GABRA3: variants seen among roughly 807,000 people sequenced by gnomAD.
The protein encoded by GABRA3 is gamma-aminobutyric acid receptor subunit alpha-3.
In GABRA3, 10 loss-of-function variants were observed where a neutral mutation model predicts 30.1. That is an observed-to-expected ratio of 0.33 (90% CI 0.20 to 0.56). The LOEUF (loss-of-function observed/expected upper bound fraction) is 0.56, where lower values mean the gene tolerates loss of function less well. Ranked by LOEUF, GABRA3 falls within the 20% of genes least tolerant of loss-of-function variation. The pLI is 0.89. For synonymous variants in GABRA3, 151 were observed against 146.8 expected, an observed-to-expected ratio of 1.03 and a Z score of -0.21; for missense variants, 233 against 392.0, an observed-to-expected ratio of 0.59 and a Z score of 3.42.
rs771682716 is a variant in GABRA3 at position 152,168,178 on chromosome X, G to T, written c.*50C>A. Reference sequence around the variant, plus strand: ...GGGAGCCCCGGGGTTTGGGTGCCTGGATGCTTCACGGGGTATACAGTGCTC... The same window carrying T: ...GGGAGCCCCGGGGTTTGGGTGCCTGTATGCTTCACGGGGTATACAGTGCTC... On this transcript the variant is annotated 3_prime_UTR_variant, in exon 10 of 10. Coordinates refer to ENST00000370314, the MANE Select transcript of GABRA3 (RefSeq NM_000808.4). 9.4e-7 allele frequency: 1 copy of T among 1,068,273 alleles called. No individual in the cohort carries two copies. Among genetic ancestry groups the T allele is most frequent in the South Asian group, 2.0e-5 (1 of 50,317 alleles). 88.0% of individuals were successfully genotyped at this position (1,068,273 alleles called of 1,213,427 possible).
chrX:152,290,961 T>G (rs1326463859), intron 3 of GABRA3, among the ~76,000 whole-genome samples: 4 of 111,951 alleles, frequency 3.6e-5, no homozygotes, highest in Non-Finnish European at 7.5e-5. Flanking sequence ...GTCTCCAGCT[T>G]TGTTCTTTTG....
intron 3 of GABRA3, among the ~76,000 whole-genome samples, chrX:152,339,721 C>T (rs570503232): frequency 1.5e-4 from 17 of 110,971 alleles, no homozygotes; most frequent in African/African-American, 5.6e-4. Flanking sequence ...TTATCTAATT[C>T]GGGCGTTGTT....
At chrX:152,217,330 G>T (rs1281362649) in intron 6 of GABRA3, among the ~76,000 whole-genome samples, 2 of 111,349 alleles carry the variant, frequency 1.8e-5, no homozygotes, top group South Asian at 7.4e-4. Flanking sequence ...TTTATAAGTT[G>T]CTTGAATCCG....
At chrX:152,345,509 A>G in intron 3 of GABRA3, 72 bp downstream of exon 3, 1 of 1,118,926 alleles carries the variant, frequency 8.9e-7, no homozygotes, top group Non-Finnish European at 1.2e-6. Context: ...AAGGCACCTT[A>G]TAACTGTTTT....
At chrX:152,425,384 T>C (rs1324236964) in intron 1 of GABRA3, among the ~76,000 whole-genome samples, 1 of 111,221 alleles carries the variant, frequency 9.0e-6, no homozygotes, top group Non-Finnish European at 1.9e-5. Context: ...ACGCTCTCTA[T>C]AGTGATTTTT....
At position 152,199,299 on chromosome X, in the gene GABRA3, G is replaced by A. The variant is rs771930555; in HGVS notation, c.779-1514C>T. Among the ~76,000 whole-genome samples the A allele has an allele frequency of 4.1e-3, 427 of 104,509 alleles. 4 individuals carry two copies. The highest frequency in any genetic ancestry group is 6.8e-3 in the Non-Finnish European group (341 of 49,927). The allele number at this position is 104,509 out of a possible 115,157, so 90.8% of individuals were successfully genotyped here. A position where few individuals can be genotyped will look rare whatever the true frequency, so the allele number is the denominator to read the frequency against. On this transcript the variant is annotated intron_variant, in intron 7 of 9. Coordinates refer to ENST00000370314, the MANE Select transcript of GABRA3 (RefSeq NM_000808.4). ...GAGAATGGCGTGAACCCAGGAGGCG[G>A]AGCTGGCAGTGAGCCAAGGTCGTGC...
intron 1 of GABRA3, among the ~76,000 whole-genome samples, chrX:152,426,257 T>G (rs988381501): frequency 9.0e-6 from 1 of 111,593 alleles, no homozygotes; most frequent in African/African-American, 3.3e-5. Context: ...CATATGCGAA[T>G]AGTGGATACC....
intron 3 of GABRA3, among the ~76,000 whole-genome samples, chrX:152,301,950 A>C (rs899862444): frequency 8.9e-6 from 1 of 111,854 alleles, no homozygotes; most frequent in Non-Finnish European, 1.9e-5. Context: ...AAGTGGAATG[A>C]TGTAAACTTT....
intron 4 of GABRA3, among the ~76,000 whole-genome samples, chrX:152,273,574 C>T (rs896153820): frequency 2.9e-4 from 32 of 112,158 alleles, no homozygotes; most frequent in African/African-American, 9.4e-4. Context: ...AAAGAAAATA[C>T]GGTATGTATA....
At chrX:152,437,119 A>G (rs1930795716) in intron 1 of GABRA3, among the ~76,000 whole-genome samples, 1 of 111,645 alleles carries the variant, frequency 9.0e-6, no homozygotes, top group African/African-American at 3.3e-5. Flanking sequence ...AGGAAAATGC[A>G]AATTAAACCA....
At chrX:152,338,807 T>C (rs1250746663) in intron 3 of GABRA3, among the ~76,000 whole-genome samples, 1 of 112,215 alleles carries the variant, frequency 8.9e-6, no homozygotes, top group Non-Finnish European at 1.9e-5. Context: ...TCATTGTATG[T>C]TCTTGGATCT....
chrX:152,172,861 C>G (rs1022375351), intron 9 of GABRA3, among the ~76,000 whole-genome samples: 4 of 110,034 alleles, frequency 3.6e-5, no homozygotes, highest in Non-Finnish European at 7.6e-5. Flanking sequence ...GAAAAGGGTT[C>G]AGGAGACTGC....
At chrX:152,236,617 T>A (rs1191434407) in intron 5 of GABRA3, among the ~76,000 whole-genome samples, 2 of 106,856 alleles carry the variant, frequency 1.9e-5, no homozygotes, top group Non-Finnish European at 3.9e-5. Context: ...ACCAACAGTG[T>A]AAAAGTGTTC....
chrX:152,280,729 T>C (rs1293618309), intron 4 of GABRA3, among the ~76,000 whole-genome samples: 8 of 111,308 alleles, frequency 7.2e-5, no homozygotes, highest in African/African-American at 2.6e-4. Flanking sequence ...CATTACCTGA[T>C]TGTCCACTGT....
intron 3 of GABRA3, among the ~76,000 whole-genome samples, chrX:152,289,680 C>T (rs896051174): frequency 7.3e-5 from 8 of 109,611 alleles, no homozygotes; most frequent in East Asian, 2.9e-4. Context: ...CCCCACCCCA[C>T]GACAGGCCCT....
chrX:152,272,364 C>T (rs1209278524), intron 4 of GABRA3, among the ~76,000 whole-genome samples: 2 of 112,430 alleles, frequency 1.8e-5, no homozygotes, highest in African/African-American at 6.5e-5. Flanking sequence ...TTAATGACTG[C>T]CCTATTGGAT....
At chrX:152,331,569 A>G (rs1603243133) in intron 3 of GABRA3, among the ~76,000 whole-genome samples, 1 of 112,155 alleles carries the variant, frequency 8.9e-6, no homozygotes, top group East Asian at 2.8e-4. Context: ...TAAAGTAAAT[A>G]TCAAATACCA....
At chrX:152,182,672 C>G (rs867175661) in intron 9 of GABRA3, among the ~76,000 whole-genome samples, 3 of 73,045 alleles carry the variant, frequency 4.1e-5, no homozygotes, top group African/African-American at 1.0e-4. Flanking sequence ...TGTATATATA[C>G]ACTATATATA....
At chrX:152,196,298 G>A (rs1472133200) in intron 8 of GABRA3, among the ~76,000 whole-genome samples, 1 of 105,348 alleles carries the variant, frequency 9.5e-6, no homozygotes, top group Non-Finnish European at 1.9e-5. Context: ...TCGGGAGGCT[G>A]AGGCAGGAGA....
Sources: gnomAD v4.1 joint callset for allele counts (sites outside exome capture counted in the v4.1 genomes callset) on GRCh38, gnomAD v4.1.1 for gene constraint, MANE v1.5 for transcripts, NCBI Gene and HGNC (gene_info 2026-07-23, HGNC 2026-07-21) for gene names.